The following GPM6A variants were observed in gnomAD, a reference collection of about 807,000 sequenced individuals.
GPM6A encodes the protein glycoprotein M6A, also known as neuronal membrane glycoprotein M6-a.
A neutral mutation model predicts 32.1 loss-of-function variants in GPM6A; 7 were observed. The ratio of observed to expected loss-of-function variants is 0.22; its 90% confidence interval spans 0.12 to 0.41. GPM6A has a LOEUF of 0.41. Among genes scored for constraint, GPM6A ranks in the 10% least tolerant of loss-of-function variants. The probability of loss-of-function intolerance (pLI) is 1.00; values close to 1 mark genes in which losing one functional copy is unlikely to be tolerated. For synonymous variants in GPM6A, 130 were observed against 123.4 expected, an observed-to-expected ratio of 1.05 and a Z score of -0.35; for missense variants, 235 against 347.2, an observed-to-expected ratio of 0.68 and a Z score of 2.57.
At chr4:175,701,337 T>G (rs1204806445) in intron 2 of GPM6A, among the ~76,000 whole-genome samples, 1 of 152,190 alleles carries the variant, frequency 6.6e-6, no homozygotes, top group African/African-American at 2.4e-5. Flanking sequence ...CGAATACAAC[T>G]TTACATTTAA....
intron 4 of GPM6A, among the ~76,000 whole-genome samples, chr4:175,642,367 T>G (rs1741198841): frequency 6.6e-6 from 1 of 152,196 alleles, no homozygotes; most frequent in African/African-American, 2.4e-5. Flanking sequence ...ATTTCTCAAT[T>G]CATGTTTTCA....
At chr4:175,928,993 CTTTA>C (rs1316217160) in intron 1 of GPM6A, among the ~76,000 whole-genome samples, 1 of 152,170 alleles carries the variant, frequency 6.6e-6, no homozygotes, top group East Asian at 1.9e-4. Flanking sequence ...GGAACACTTA[CTTTA>C]TTAAGTGACA....
At chr4:175,807,280 A>G (rs767826933) in intron 1 of GPM6A, 4 of 152,198 alleles carry the variant, frequency 2.6e-5, no homozygotes, top group South Asian at 2.1e-4. Flanking sequence ...AGAATACACT[A>G]AAGAAAGACT....
chr4:175,970,781 G>A (rs1334027414), intron 1 of GPM6A: 2 of 430,440 alleles, frequency 4.6e-6, no homozygotes, highest in African/African-American at 4.1e-5. Flanking sequence ...TAAAAGAAAA[G>A]CAAGATTTTA....
chr4:175,792,163 T>C (rs1293665038), intron 1 of GPM6A, among the ~76,000 whole-genome samples: 1 of 152,206 alleles, frequency 6.6e-6, no homozygotes, highest in Non-Finnish European at 1.5e-5. Context: ...CCAACTCATA[T>C]GTGCTAAAAA....
rs375680631 is a variant in GPM6A, at chr4:175,895,561, A to C, written c.-22-83312T>G. Reference sequence around the variant, plus strand: ...CTACAGGTATGTATATCACCAAGAGATATATAGTTACTAATAAATTTAAAC... The same window carrying C: ...CTACAGGTATGTATATCACCAAGAGCTATATAGTTACTAATAAATTTAAAC... On this transcript the variant is annotated intron_variant, in intron 1 of 7. Coordinates refer to the GPM6A transcript ENST00000280187. 2.6e-5 allele frequency among the ~76,000 whole-genome samples: 4 copies of C among 152,290 alleles called. No individual in the cohort carries two copies. In the East Asian group the frequency reaches 7.7e-4, roughly 29 times the overall value.
chr4:175,640,725 C>T (rs574754039), intron 5 of GPM6A, 28 bp downstream of exon 5: 1 of 1,421,140 alleles, frequency 7.0e-7, no homozygotes, highest in East Asian at 2.3e-5. Flanking sequence ...AAAATTCTGA[C>T]AAAATTAAAG....
At chr4:175,783,700 A>T (rs1043732396) in intron 1 of GPM6A, among the ~76,000 whole-genome samples, 2 of 152,018 alleles carry the variant, frequency 1.3e-5, no homozygotes, top group Non-Finnish European at 2.9e-5. Flanking sequence ...GATTGATAAG[A>T]ATTATTGGCA....
chr4:175,722,887 T>TAC (rs1646001401), intron 1 of GPM6A, among the ~76,000 whole-genome samples: 1 of 148,270 alleles, frequency 6.7e-6, no homozygotes, highest in Admixed American at 6.7e-5. Context: ...ACAAAGAAAT[T>TAC]AAAAAAAAAA....
intron 1 of GPM6A, among the ~76,000 whole-genome samples, chr4:175,799,951 A>C (rs1734407390): frequency 6.6e-6 from 1 of 152,120 alleles, no homozygotes; most frequent in Non-Finnish European, 1.5e-5. Flanking sequence ...ACTATTGATA[A>C]GGATACAATT....
At chr4:175,680,940 TCA>T (rs945476981) in intron 2 of GPM6A, among the ~76,000 whole-genome samples, 5 of 152,238 alleles carry the variant, frequency 3.3e-5, no homozygotes, top group African/African-American at 1.2e-4. Flanking sequence ...GAGATTGTTC[TCA>T]TTCTTTTTAA....
chr4:175,842,433 C>T (rs1030571035), intron 1 of GPM6A, among the ~76,000 whole-genome samples: 10 of 151,828 alleles, frequency 6.6e-5, no homozygotes, highest in Non-Finnish European at 1.0e-4. Flanking sequence ...TGGTAAGTGG[C>T]CATAGGAAAA....
chr4:175,979,487 T>C (rs978346976), intron 1 of GPM6A, among the ~76,000 whole-genome samples: 1 of 152,192 alleles, frequency 6.6e-6, no homozygotes, highest in Admixed American at 6.5e-5. Context: ...AGTGAGAACA[T>C]GTGGTGTTTG....
intron 1 of GPM6A, among the ~76,000 whole-genome samples, chr4:175,721,333 G>A (rs554498050): frequency 2.1e-4 from 32 of 151,492 alleles, no homozygotes; most frequent in South Asian, 1.9e-3. Flanking sequence ...AAAATTAGCC[G>A]AGTGTGGTGG....
intron 1 of GPM6A, among the ~76,000 whole-genome samples, chr4:175,770,650 C>T (rs1396977603): frequency 2.6e-5 from 4 of 152,144 alleles, no homozygotes; most frequent in Non-Finnish European, 4.4e-5. Flanking sequence ...CAAAATTTTC[C>T]CATGTGGGTC....
intron 1 of GPM6A, among the ~76,000 whole-genome samples, chr4:175,960,292 T>C (rs1239983234): frequency 6.6e-6 from 1 of 152,218 alleles, no homozygotes; most frequent in Non-Finnish European, 1.5e-5. Context: ...GCATAGAATT[T>C]AGCTGTTTTG....
At chr4:175,795,765 T>C (rs1346815402) in intron 1 of GPM6A, 1 of 152,100 alleles carries the variant, frequency 6.6e-6, no homozygotes, top group Non-Finnish European at 1.5e-5. Flanking sequence ...AAATGAAATA[T>C]GATAAAATAA....
At chr4:175,637,538 CAATAT>C (rs1257870491) in intron 6 of GPM6A, among the ~76,000 whole-genome samples, 2 of 4,984 alleles carry the variant, frequency 4.0e-4, no homozygotes, top group Non-Finnish European at 8.6e-4. Context: ...TAAAAATATA[CAATAT>C]ATTATATATT....
intron 1 of GPM6A, among the ~76,000 whole-genome samples, chr4:175,727,330 G>A (rs956063409): frequency 1.3e-5 from 2 of 152,096 alleles, no homozygotes; most frequent in Admixed American, 6.5e-5. Context: ...ATATCAGAAC[G>A]TGTACAGTGT....
Sources: allele counts gnomAD v4.1 joint callset (sites outside exome capture counted in the v4.1 genomes callset), GRCh38; gene constraint gnomAD v4.1.1; transcripts MANE v1.5; gene names NCBI Gene and HGNC (gene_info 2026-07-23, HGNC 2026-07-21).